Variants in MAPK10 observed in about 807,000 individuals in gnomAD.
MAPK10 encodes the protein mitogen-activated protein kinase 10, also known as JNK3 alpha protein kinase.
MAPK10 carries 25 observed loss-of-function variants against 59.3 expected under a neutral mutation model. That is an observed-to-expected ratio of 0.42 (90% CI 0.31 to 0.59). The LOEUF (loss-of-function observed/expected upper bound fraction) is 0.59, where lower values mean the gene tolerates loss of function less well. MAPK10 is among the 20% of genes least tolerant of loss of function. MAPK10 has a pLI of 0.15. For missense variants in MAPK10, 351 were observed against 568.9 expected, an observed-to-expected ratio of 0.62 and a Z score of 3.90; for synonymous variants, 190 against 200.5, an observed-to-expected ratio of 0.95 and a Z score of 0.44.
At chr4:86,218,905 T>C (rs957357166) in intron 2 of MAPK10, among the ~76,000 whole-genome samples, 2 of 152,126 alleles carry the variant, frequency 1.3e-5, no homozygotes, top group Non-Finnish European at 2.9e-5. Context: ...ATAAACTCAA[T>C]AGTAGAGATA....
At chr4:86,284,106 A>T (rs183600236) in intron 2 of MAPK10, among the ~76,000 whole-genome samples, 190 of 152,328 alleles carry the variant, frequency 1.2e-3, no homozygotes, top group African/African-American at 4.4e-3. Context: ...TTTATTGAGC[A>T]TTTACTATGT....
chr4:86,210,968 A>C (rs571960182), intron 2 of MAPK10, among the ~76,000 whole-genome samples: 1 of 152,034 alleles, frequency 6.6e-6, no homozygotes, highest in African/African-American at 2.4e-5. Context: ...GACAAACTCC[A>C]AGGAAGATTT....
At chr4:86,384,480 T>C (rs1405758253) in intron 1 of MAPK10, among the ~76,000 whole-genome samples, 1 of 152,126 alleles carries the variant, frequency 6.6e-6, no homozygotes, top group Non-Finnish European at 1.5e-5. Flanking sequence ...CTTTATTCTA[T>C]GTAGTGGGAA....
intron 4 of MAPK10, among the ~76,000 whole-genome samples, chr4:86,136,924 A>G (rs963911639): frequency 6.6e-6 from 1 of 152,230 alleles, no homozygotes; most frequent in Non-Finnish European, 1.5e-5. Context: ...AACAAAGATG[A>G]AAAGAGACAA....
intron 2 of MAPK10, among the ~76,000 whole-genome samples, chr4:86,348,413 T>C (rs1469110663): frequency 6.6e-6 from 1 of 152,176 alleles, no homozygotes; most frequent in Non-Finnish European, 1.5e-5. Flanking sequence ...TGGCATGAAG[T>C]AGGCACTCTA....
chr4:86,145,304 G>A (rs1282793790), intron 4 of MAPK10, among the ~76,000 whole-genome samples: 1 of 89,912 alleles, frequency 1.1e-5, no homozygotes, highest in Non-Finnish European at 2.1e-5. Context: ...GGAGCTTGCA[G>A]TGAGCCGAGA....
At chr4:86,127,347 A>G (rs1337614794) in intron 4 of MAPK10, among the ~76,000 whole-genome samples, 2 of 152,076 alleles carry the variant, frequency 1.3e-5, no homozygotes, top group African/African-American at 4.8e-5. Context: ...TTGTTACACA[A>G]GTAAACTAAT....
intron 1 of MAPK10, among the ~76,000 whole-genome samples, chr4:86,450,624 G>C (rs553550447): frequency 6.6e-6 from 1 of 152,222 alleles, no homozygotes; most frequent in East Asian, 1.9e-4. Flanking sequence ...GGTCAGAGAT[G>C]CAACCACAGT....
chr4:86,126,301 G>A (rs575555468), intron 4 of MAPK10, among the ~76,000 whole-genome samples: 234 of 152,082 alleles, frequency 1.5e-3, no homozygotes, highest in African/African-American at 5.2e-3. Context: ...TATCCAGGCT[G>A]ACATTTATAA....
At chr4:86,041,492 A>T (rs963227538) in intron 11 of MAPK10, among the ~76,000 whole-genome samples, 1 of 152,216 alleles carries the variant, frequency 6.6e-6, no homozygotes, top group African/African-American at 2.4e-5. Flanking sequence ...GGATCTAATT[A>T]AACTAAAGAG....
rs142138725 is a variant in MAPK10, at chr4:86,275,927, A to G, written c.-7+78603T>C. Among the ~76,000 whole-genome samples, 885 of 152,212 alleles carry G rather than the reference A, an allele frequency of 5.8e-3. 8 individuals carry two copies. Among genetic ancestry groups the G allele is most frequent in the African/African-American group, 0.02 (833 of 41,562 alleles). On this transcript the variant is annotated intron_variant, in intron 2 of 13. Transcript: ENST00000641462. Reference sequence around the variant, plus strand: ...GCCTATTTTACTTCTTTAAAGTCATACAAATCTATAAGGCTGTACATGAAT... The same window carrying G: ...GCCTATTTTACTTCTTTAAAGTCATGCAAATCTATAAGGCTGTACATGAAT...
intron 1 of MAPK10, among the ~76,000 whole-genome samples, chr4:86,561,546 T>C (rs1760680564): frequency 6.6e-6 from 1 of 152,220 alleles, no homozygotes; most frequent in Non-Finnish European, 1.5e-5. Context: ...TTACAGTGAA[T>C]GAAGAACTAT....
At chr4:86,592,759 C>G (rs1763156293) in intron 1 of MAPK10, among the ~76,000 whole-genome samples, 1 of 152,220 alleles carries the variant, frequency 6.6e-6, no homozygotes. Flanking sequence ...TTGTTCCCCT[C>G]AACTGACTTT....
chr4:86,101,334 A>G, intron 7 of MAPK10, 117 bp from the exon 8 acceptor site: 1 of 651,992 alleles, frequency 1.5e-6, no homozygotes, highest in South Asian at 2.1e-5. Flanking sequence ...CCTTGCCTAC[A>G]GAGCTCTAAA....
chr4:86,230,104 G>A (rs969234295), intron 2 of MAPK10, among the ~76,000 whole-genome samples: 1 of 152,156 alleles, frequency 6.6e-6, no homozygotes, highest in African/African-American at 2.4e-5. Flanking sequence ...ACACTTTTGA[G>A]TTGTCAGATC....
intron 2 of MAPK10, among the ~76,000 whole-genome samples, chr4:86,273,675 T>C (rs2094495423): frequency 6.6e-6 from 1 of 152,066 alleles, no homozygotes. Context: ...TTTTGATTTG[T>C]CTACTGTGCC....
chr4:86,581,063 C>G (rs1762229411), intron 1 of MAPK10, among the ~76,000 whole-genome samples: 1 of 152,134 alleles, frequency 6.6e-6, no homozygotes, highest in African/African-American at 2.4e-5. Flanking sequence ...TGCTTCAATT[C>G]TAAATGAATA....
chr4:86,226,746 A>G (rs1290095961), intron 2 of MAPK10, among the ~76,000 whole-genome samples: 2 of 152,228 alleles, frequency 1.3e-5, no homozygotes, highest in East Asian at 1.9e-4. Context: ...TTTCATTTCT[A>G]TTCCATGTTA....
rs113693660 is a variant in MAPK10 at position 86,250,528 on chromosome 4, TAGA to T, written c.-6-56124_-6-56122del. ...AGAGAATTTTAGAGTGAAAAAATTT[TAGA>T]AGGAGGCAACATCTATCCAACTTTG... On this transcript the variant is annotated intron_variant, in intron 2 of 13. Coordinates refer to ENST00000641462, the MANE Select transcript of MAPK10 (RefSeq NM_138982.4). 2.4e-4 allele frequency among the ~76,000 whole-genome samples: 36 copies of T among 152,298 alleles called. No individual in the cohort carries two copies. The Middle Eastern group carries it at 0.01, about 43-fold the overall frequency.
Sources: gnomAD v4.1 joint callset for allele counts (sites outside exome capture counted in the v4.1 genomes callset) on GRCh38, gnomAD v4.1.1 for gene constraint, MANE v1.5 for transcripts, NCBI Gene and HGNC (gene_info 2026-07-23, HGNC 2026-07-21) for gene names.